Variants in HSD17B12 observed in about 807,000 individuals in gnomAD.
HSD17B12 encodes the protein hydroxysteroid 17-beta dehydrogenase 12.
HSD17B12 carries 32 observed loss-of-function variants against 39.3 expected under a neutral mutation model. That is an observed-to-expected ratio of 0.81 (90% confidence interval 0.61 to 1.09). The LOEUF (loss-of-function observed/expected upper bound fraction) is 1.09. Among genes scored for constraint, HSD17B12 ranks in the 50% least tolerant of loss-of-function variants. HSD17B12 has a pLI of 0.00. For missense variants in HSD17B12, 342 were observed against 382.9 expected, an observed-to-expected ratio of 0.89 and a Z score of 0.89; for synonymous variants, 150 against 146.7, an observed-to-expected ratio of 1.02 and a Z score of -0.16.
intron 3 of HSD17B12, among the ~76,000 whole-genome samples, chr11:43,777,204 C>T (rs1950715115): frequency 6.6e-6 from 1 of 151,892 alleles, no homozygotes; most frequent in African/African-American, 2.4e-5. Context: ...GGCAGTATGG[C>T]CATTTTCACG....
the HSD17B12 span, among the ~76,000 whole-genome samples, chr11:43,655,890 C>G: frequency 0.025 from 3,772 of 151,698 alleles, 68 homozygotes; most frequent in Non-Finnish European, 0.036. Context: ...TCTCCGTCAG[C>G]CTTTGGTATC....
chr11:43,781,424 TA>T (rs1310952510), intron 3 of HSD17B12, among the ~76,000 whole-genome samples: 1 of 152,140 alleles, frequency 6.6e-6, no homozygotes, highest in African/African-American at 2.4e-5. Flanking sequence ...TCTTTTGTTT[TA>T]AAAAAAGAAT....
the HSD17B12 span, among the ~76,000 whole-genome samples, chr11:43,623,677 TA>T: frequency 2.9e-4 from 44 of 152,030 alleles, no homozygotes; most frequent in African/African-American, 9.9e-4. Context: ...TATTTGTTCA[TA>T]AAAACCCGAG....
At chr11:43,592,235 C>T in the HSD17B12 span, among the ~76,000 whole-genome samples, 18 of 151,556 alleles carry the variant, frequency 1.2e-4, no homozygotes, top group Non-Finnish European at 2.4e-4. Context: ...AGGGATTATA[C>T]ATGACATTAA....
intron 9 of HSD17B12, chr11:43,852,516 G>T (rs748863430): frequency 6.6e-6 from 1 of 151,904 alleles, no homozygotes; most frequent in African/African-American, 2.4e-5. Context: ...ATAGAAATGA[G>T]AAATGGTTTG....
the HSD17B12 span, among the ~76,000 whole-genome samples, chr11:43,571,352 A>G: frequency 1.3e-5 from 2 of 152,102 alleles, no homozygotes; most frequent in African/African-American, 4.8e-5. Context: ...TGCTAAGCTC[A>G]AGTGTGCTGG....
intron 6 of HSD17B12, among the ~76,000 whole-genome samples, chr11:43,825,155 A>G (rs2037297): frequency 0.65 from 99,024 of 151,260 alleles, 32,741 homozygotes; most frequent in East Asian, 0.75. Flanking sequence ...TTTGGAGTGG[A>G]GGGACACAAA....
chr11:43,649,201 G>A, the HSD17B12 span, among the ~76,000 whole-genome samples: 1 of 151,962 alleles, frequency 6.6e-6, no homozygotes, highest in Admixed American at 6.6e-5. Flanking sequence ...GGGTTAAAAT[G>A]AAGACAGTGA....
At chr11:43,787,461 G>A (rs1950825757) in intron 3 of HSD17B12, among the ~76,000 whole-genome samples, 1 of 152,198 alleles carries the variant, frequency 6.6e-6, no homozygotes, top group East Asian at 1.9e-4. Context: ...ACTTGGCCGG[G>A]CACGGTGGCT....
Position 43,831,376 on chromosome 11 carries a change from A to G in HSD17B12, c.536+366A>G, listed in dbSNP as rs79033932. 6.4e-4 allele frequency: 100 copies of G among 157,356 alleles called. No individual in the cohort carries two copies. In the East Asian group the frequency reaches 0.016, roughly 25 times the overall value. The allele number at this position is 157,356 out of a possible 1,614,324, so 9.7% of individuals were successfully genotyped here. A position where few individuals can be genotyped will look rare whatever the true frequency, so the allele number is the denominator to read the frequency against. ...GCTGTATTCTCTCAAAGCCAAAATC[A>G]GTGGAGTTGGATGAAGCAAGACCTC... is the stretch of plus-strand genomic sequence containing the variant. On this transcript the variant is annotated intron_variant, in intron 7 of 10. Transcript: ENST00000278353. The surrounding 1 kb of genome is among the most constrained non-coding windows in gnomAD (Gnocchi z 4.1).
the HSD17B12 span, among the ~76,000 whole-genome samples, chr11:43,634,075 CAAAAAAAAAAAAAAA>C: frequency 4.8e-4 from 18 of 37,548 alleles, no homozygotes; most frequent in Middle Eastern, 0.029. Context: ...AACTCCATCT[CAAAAAAAAAAAAAAA>C]AAAAAAAAAA....
chr11:43,589,402 G>A, the HSD17B12 span, among the ~76,000 whole-genome samples: 2 of 152,316 alleles, frequency 1.3e-5, no homozygotes, highest in South Asian at 4.1e-4. Flanking sequence ...TCTGGGTAAT[G>A]CCAGGAGAAA....
chr11:43,697,822 G>A (rs1325599480), intron 1 of HSD17B12, among the ~76,000 whole-genome samples: 3 of 152,210 alleles, frequency 2.0e-5, no homozygotes, highest in Non-Finnish European at 4.4e-5. Context: ...GATAAGACTA[G>A]AGAAATGTAG....
the HSD17B12 span, among the ~76,000 whole-genome samples, chr11:43,622,577 A>C: frequency 6.6e-6 from 1 of 152,154 alleles, no homozygotes; most frequent in Non-Finnish European, 1.5e-5. Context: ...TAAAGTGATA[A>C]GGAAGGTAAC....
the HSD17B12 span, among the ~76,000 whole-genome samples, chr11:43,655,670 G>T: frequency 1.1e-4 from 17 of 152,178 alleles, no homozygotes; most frequent in African/African-American, 4.1e-4. Flanking sequence ...TAATCATGTG[G>T]TTTTGTCTTT....
chr11:43,819,706 T>A lies in HSD17B12; in HGVS notation c.501+3315T>A, dbSNP rs573396838. Among the ~76,000 whole-genome samples the A allele has an allele frequency of 3.9e-5, 6 of 152,324 alleles. No individual in the cohort carries two copies. In the South Asian group the frequency reaches 8.3e-4, roughly 21 times the overall value. On this transcript the variant is annotated intron_variant, in intron 6 of 10. Transcript: ENST00000278353. Reference sequence around the variant, plus strand: ...TGAGTTAGTGGAGACAAATGCTAATTTATTAAACACTTGCATGCCATATTG... The same window carrying A: ...TGAGTTAGTGGAGACAAATGCTAATATATTAAACACTTGCATGCCATATTG...
At chr11:43,666,536 A>C in the HSD17B12 span, among the ~76,000 whole-genome samples, 2 of 152,106 alleles carry the variant, frequency 1.3e-5, no homozygotes, top group Admixed American at 6.6e-5. Context: ...TAGAGACAGC[A>C]TCTCACCATG....
chr11:43,654,875 G>A, the HSD17B12 span, among the ~76,000 whole-genome samples: 1 of 152,286 alleles, frequency 6.6e-6, no homozygotes, highest in East Asian at 1.9e-4. Flanking sequence ...ACTTGGCAAT[G>A]CGGGCTCTTT....
chr11:43,740,759 C>T (rs1297013259), intron 1 of HSD17B12, among the ~76,000 whole-genome samples: 1 of 152,178 alleles, frequency 6.6e-6, no homozygotes, highest in Non-Finnish European at 1.5e-5. Flanking sequence ...CATGTTGTTC[C>T]CTGAAATTAA....
Sources: allele counts gnomAD v4.1 joint callset (sites outside exome capture counted in the v4.1 genomes callset), GRCh38; gene constraint gnomAD v4.1.1; non-coding constraint Gnocchi (gnomAD v3.1); transcripts MANE v1.5; gene names NCBI Gene and HGNC (gene_info 2026-07-23, HGNC 2026-07-21).